Variants in HDGFL2 observed in about 807,000 individuals in gnomAD.
HDGFL2 encodes hepatoma-derived growth factor-related protein 2.
In HDGFL2, 36 loss-of-function variants were observed where a neutral mutation model predicts 77.1. The ratio of observed to expected loss-of-function variants is 0.47; its 90% CI spans 0.36 to 0.62. The LOEUF (loss-of-function observed/expected upper bound fraction) is 0.62. HDGFL2 is among the 20% of genes least tolerant of loss of function. The pLI, the probability that HDGFL2 is intolerant of heterozygous loss-of-function variation, is 0.00. For synonymous variants in HDGFL2, 463 were observed against 413.1 expected, an observed-to-expected ratio of 1.12 and a Z score of -1.46; for missense variants, 976 against 973.4, an observed-to-expected ratio of 1.00 and a Z score of -0.04.
chr19:4,481,694 C>T (rs1975222148), intron 3 of HDGFL2, among the ~76,000 whole-genome samples: 1 of 149,278 alleles, frequency 6.7e-6, no homozygotes, highest in Non-Finnish European at 1.5e-5. Flanking sequence ...TGACCTCAGG[C>T]AGTCCTCCTT....
chr19:4,501,847 A>C (rs756736665), intron 15 of HDGFL2, 64 bp from the exon 16 acceptor site: 2 of 1,249,154 alleles, frequency 1.6e-6, no homozygotes, highest in East Asian at 5.7e-5. Flanking sequence ...ATCCCACCCA[A>C]CCGCCCTACA....
intron 3 of HDGFL2, among the ~76,000 whole-genome samples, chr19:4,481,160 T>G (rs930656908): frequency 2.7e-5 from 4 of 145,718 alleles, no homozygotes; most frequent in Non-Finnish European, 3.0e-5. Context: ...TAGCTGGGAC[T>G]ACAGGCGTCC....
rs546469747 is a variant in HDGFL2, at chr19:4,491,454, G to T, written c.490-112G>T. 1.1e-4 allele frequency: 94 copies of T among 846,944 alleles called. No individual in the cohort carries two copies. The South Asian group carries it at 1.4e-3, about 13-fold the overall frequency. The allele number at this position is 846,944 out of a possible 1,614,324, so 52.5% of individuals were successfully genotyped here. A position where few individuals can be genotyped will look rare whatever the true frequency, so the allele number is the denominator to read the frequency against. On this transcript the variant is annotated intron_variant, in intron 4 of 15. Coordinates refer to ENST00000616600, the MANE Select transcript of HDGFL2 (RefSeq NM_001001520.3). ...CAGGTTCTCAGAGGGTTCCTGGCCC[G>T]CCAGAGAGGTTCCAGAGCTCAGCTG...
At chr19:4,494,550 T>C in intron 9 of HDGFL2, 75 bp downstream of exon 9, 1 of 1,121,784 alleles carries the variant, frequency 8.9e-7, no homozygotes, top group Middle Eastern at 2.1e-4. Context: ...TAGGAGGCAG[T>C]ATCCCAGGTT....
At position 4,496,535 on chromosome 19, in the gene HDGFL2, G is replaced by A. The variant is rs1975707604; in HGVS notation, c.1328+130G>A. ...GAGCCGGACCCGGTTGAAGTTCCTG[G>A]TCCTTGGGTTGTGTGGGCTGCGTAG... On this transcript the variant is annotated intron_variant, in intron 10 of 15. Transcript: ENST00000616600. The A allele has an allele frequency of 2.5e-5, 18 of 720,394 alleles. No homozygotes were observed. The South Asian group carries it at 2.8e-4, about 11-fold the overall frequency. The allele number at this position is 720,394 out of a possible 1,614,324, so 44.6% of individuals were successfully genotyped here.
chr19:4,488,597 G>A (rs1327749457), intron 3 of HDGFL2, 79 bp from the exon 4 acceptor site: 18 of 1,313,894 alleles, frequency 1.4e-5, no homozygotes, highest in East Asian at 7.6e-5. Flanking sequence ...TGTGGTTGCC[G>A]TCCTCTGGGT....
At position 4,482,026 on chromosome 19, in the gene HDGFL2, C is replaced by CTTTTTTTTT. The variant is rs34398630; in HGVS notation, c.288+6459_288+6467dup. ...GGACTGGAAGTTGGCTGGCTTTGGC[C>CTTTTTTTTT]TTTTTTTTTTTTTTTTTTTTTTTTG... On this transcript the variant is annotated intron_variant, in intron 3 of 15. Coordinates refer to ENST00000616600, the MANE Select transcript of HDGFL2 (RefSeq NM_001001520.3). Among the ~76,000 whole-genome samples the CTTTTTTTTT allele has an allele frequency of 9.8e-4, 70 of 71,652 alleles. 3 individuals are homozygous for CTTTTTTTTT. The highest frequency in any genetic ancestry group is 0.015 in the Middle Eastern group (1 of 68). 47.0% of individuals were successfully genotyped at this position (71,652 alleles called of 152,430 possible). A position where few individuals can be genotyped will look rare whatever the true frequency, so the allele number is the denominator to read the frequency against.
intron 6 of HDGFL2, 78 bp from the exon 7 acceptor site, chr19:4,493,625 G>C (rs1301982545): frequency 2.3e-5 from 30 of 1,322,438 alleles, no homozygotes; most frequent in East Asian, 3.0e-5. Context: ...AGGGGTGCGG[G>C]AGCCTCCTCT....
chr19:4,491,549 G>C lies in HDGFL2; in HGVS notation c.490-17G>C. ...CGGCCTTCCCATCACTGAGCATTCA[G>C]GCCGTTCCCCTTCCAGATGTCGGTC... is the stretch of plus-strand genomic sequence containing the variant. On this transcript the variant is annotated splice_polypyrimidine_tract_variant and intron_variant, in intron 4 of 15. Coordinates refer to ENST00000616600, the MANE Select transcript of HDGFL2 (RefSeq NM_001001520.3). The C allele has an allele frequency of 1.9e-6, 3 of 1,611,344 alleles. No homozygotes were observed. The highest frequency in any genetic ancestry group is 2.5e-6 in the Non-Finnish European group (3 of 1,178,066).
rs1229980960 is a variant in HDGFL2, at chr19:4,493,874, G to A, written c.838+12G>A. The A allele has an allele frequency of 2.7e-6, 4 of 1,503,570 alleles. No homozygotes were observed. The African/African-American group carries it at 5.6e-5, about 21-fold the overall frequency. The allele number at this position is 1,503,570 out of a possible 1,614,324, so 93.1% of individuals were successfully genotyped here. On this transcript the variant is annotated intron_variant, in intron 7 of 15. Coordinates refer to ENST00000616600, the MANE Select transcript of HDGFL2 (RefSeq NM_001001520.3). The stretch of plus-strand genomic sequence containing the variant: ...GGGCAGGAAGCCAGGTAGGGCCCTC[G>A]TGCTCGCACATCTCTTGGCCTGGCC...
At chr19:4,479,904 TAAA>T (rs11321906) in intron 3 of HDGFL2, among the ~76,000 whole-genome samples, 12 of 122,030 alleles carry the variant, frequency 9.8e-5, no homozygotes, top group Admixed American at 8.3e-5. Context: ...AGACTCTGTC[TAAA>T]AAAAAAAAAA....
chr19:4,498,192 C>A, intron 11 of HDGFL2, 114 bp from the exon 12 acceptor site: 1 of 1,185,012 alleles, frequency 8.4e-7, no homozygotes. Context: ...GCTGAGCCTG[C>A]AGACCTGGGG....
At chr19:4,490,640 CT>C (rs1170269783) in intron 4 of HDGFL2, among the ~76,000 whole-genome samples, 1 of 152,130 alleles carries the variant, frequency 6.6e-6, no homozygotes, top group Non-Finnish European at 1.5e-5. Flanking sequence ...GCAGCAAATT[CT>C]TTTGATAGAG....
intron 7 of HDGFL2, 41 bp downstream of exon 7, chr19:4,493,903 G>T: frequency 6.6e-7 from 1 of 1,517,148 alleles, no homozygotes; most frequent in Non-Finnish European, 8.9e-7. Flanking sequence ...CCTGGCCCCT[G>T]CCGGGGCGCT....
rs369666897 is a variant in HDGFL2 at position 4,496,380 on chromosome 19, C to T, written c.1303C>T (p.Arg435Trp). The T allele has an allele frequency of 5.7e-5, 92 of 1,613,828 alleles. No individual in the cohort carries two copies. Among genetic ancestry groups the T allele is most frequent in the Non-Finnish European group, 6.7e-5 (79 of 1,179,852 alleles). Residue 435 changes from arginine to tryptophan, a missense_variant, in exon 10 of 16, where the codon CGG (arginine) becomes TGG (tryptophan). Coordinates refer to ENST00000616600, the MANE Select transcript of HDGFL2 (RefSeq NM_001001520.3). The part of the protein sequence containing the change: ...RKPGQKEKRV[R>W]PEEKQQAKPV... The stretch of plus-strand genomic sequence containing the variant: ...ACCTGGCCAGAAGGAGAAGAGAGTG[C>T]GGCCCGAGGAGAAGCAACAAGCCAA...
In HDGFL2 at chr19:4,478,786, ATTC is replaced by A. The variant is rs1471438281; in HGVS notation, c.288+3211_288+3213del. 2.7e-5 allele frequency among the ~76,000 whole-genome samples: 4 copies of A among 150,224 alleles called. No homozygotes were observed. The East Asian group carries it at 8.1e-4, about 30-fold the overall frequency. ...AACCTCTGTCTCCTGGGTTTAAGTG[ATTC>A]TTCTTCTGCCTCAGCCTCCCAAGTA... On this transcript the variant is annotated intron_variant, in intron 3 of 15. Coordinates refer to ENST00000616600, the MANE Select transcript of HDGFL2 (RefSeq NM_001001520.3).
intron 6 of HDGFL2, among the ~76,000 whole-genome samples, chr19:4,492,340 CTG>C (rs35666480): frequency 0.42 from 64,233 of 151,292 alleles, 14,165 homozygotes; most frequent in Middle Eastern, 0.5. Context: ...CATGTCGTGC[CTG>C]TGTGTGTGTT....
At chr19:4,483,437 G>C (rs1230949603) in intron 3 of HDGFL2, among the ~76,000 whole-genome samples, 1 of 152,108 alleles carries the variant, frequency 6.6e-6, no homozygotes, top group Non-Finnish European at 1.5e-5. Flanking sequence ...CCTCCTCCTG[G>C]CCCCCCCTCT....
In HDGFL2 at chr19:4,478,720, C is replaced by T. The variant is rs536594554; in HGVS notation, c.288+3137C>T. Reference sequence around the variant, plus strand: ...TTTTTCAGACGGTGTCTCACTCTCTCGCCCAGGCTGGAGTGCAGTGGTGCG... The same window carrying T: ...TTTTTCAGACGGTGTCTCACTCTCTTGCCCAGGCTGGAGTGCAGTGGTGCG... On this transcript the variant is annotated intron_variant, in intron 3 of 15. Coordinates refer to ENST00000616600, the MANE Select transcript of HDGFL2 (RefSeq NM_001001520.3). Among the ~76,000 whole-genome samples the T allele has an allele frequency of 4.0e-5, 6 of 151,524 alleles. No individual in the cohort carries two copies. In the East Asian group the frequency reaches 1.2e-3, roughly 30 times the overall value.
Sources: allele counts gnomAD v4.1 joint callset (sites outside exome capture counted in the v4.1 genomes callset), GRCh38; gene constraint gnomAD v4.1.1; transcripts MANE v1.5; gene names NCBI Gene and HGNC (gene_info 2026-07-23, HGNC 2026-07-21).